Variants in SETDB2 observed in about 807,000 individuals in gnomAD.
SETDB2 encodes the protein SET domain bifurcated histone lysine methyltransferase 2.
In SETDB2, 56 loss-of-function variants were observed where a neutral mutation model predicts 82.5. That is an observed-to-expected ratio of 0.68 (90% confidence interval 0.55 to 0.85). The LOEUF is 0.85. Among genes scored for constraint, SETDB2 ranks in the 40% least tolerant of loss-of-function variants. The pLI is 0.00. For synonymous variants in SETDB2, 272 were observed against 284.9 expected (o/e 0.95, Z 0.46); for missense variants, 677 against 816.4 (o/e 0.83, Z 2.08).
intron 8 of SETDB2, chr13:49,481,960 G>A: frequency 1.6e-6 from 1 of 618,524 alleles, no homozygotes; most frequent in Non-Finnish European, 2.0e-6. Context: ...TTCACATCAG[G>A]GAGGGCAAGA....
chr13:49,486,333 G>A (rs1555530), intron 11 of SETDB2, among the ~76,000 whole-genome samples: 108,356 of 151,804 alleles, frequency 0.71, 38,921 homozygotes, highest in East Asian at 0.82. Flanking sequence ...AAGTTTTATT[G>A]GAATACAGCC....
intron 3 of SETDB2, 141 bp downstream of exon 3, chr13:49,460,373 T>C: frequency 1.1e-6 from 1 of 907,770 alleles, no homozygotes; most frequent in Non-Finnish European, 1.5e-6. Context: ...TGAATTTCTT[T>C]TTATCTCAAG....
intron 6 of SETDB2, among the ~76,000 whole-genome samples, chr13:49,478,679 C>T (rs1391388574): frequency 1.3e-5 from 2 of 152,294 alleles, no homozygotes; most frequent in East Asian, 3.9e-4. Flanking sequence ...GTAATCCTAG[C>T]ACTTTGGGAA....
intron 1 of SETDB2, among the ~76,000 whole-genome samples, chr13:49,448,771 A>C (rs1007309465): frequency 6.6e-6 from 1 of 152,128 alleles, no homozygotes; most frequent in African/African-American, 2.4e-5. Context: ...TAAGCTTGTT[A>C]ATTTGTCATT....
At chr13:49,471,454 T>C (rs1958240400) in intron 5 of SETDB2, among the ~76,000 whole-genome samples, 1 of 151,546 alleles carries the variant, frequency 6.6e-6, no homozygotes. Flanking sequence ...GTATAAACTT[T>C]GGTTTGTCAG....
intron 5 of SETDB2, among the ~76,000 whole-genome samples, chr13:49,475,230 G>A (rs969357095): frequency 4.6e-5 from 7 of 151,950 alleles, no homozygotes; most frequent in Admixed American, 1.3e-4. Flanking sequence ...TCACTATCAC[G>A]AGAACAGCAC....
In SETDB2 at chr13:49,476,905, C is replaced by T. The variant is rs771782255; in HGVS notation, c.735C>T (p.Phe245=). 3.7e-6 allele frequency: 6 copies of T among 1,614,034 alleles called. No homozygotes were observed. In the African/African-American group the frequency reaches 8.0e-5, roughly 22 times the overall value. The change falls in exon 6 of 14, where the codon TTC becomes TTT. Residue 245 remains phenylalanine, a synonymous_variant. Coordinates refer to ENST00000611815, the MANE Select transcript of SETDB2 (RefSeq NM_001160308.3). ...GAGTGGAATCAGTGCCCATTTCTTT[C>T]TGTAATGAAATTGACAGTAGAAAGC... The part of the protein sequence containing the change: ...SNGVESVPIS[F]CNEIDSRKLP...
chr13:49,483,609 ATTTTTTTTTTTTTTTTTTTTTTT>A (rs745508872), intron 10 of SETDB2, 46 bp downstream of exon 10: 2 of 218,436 alleles, frequency 9.2e-6, no homozygotes, highest in South Asian at 4.2e-5. Flanking sequence ...TCTTTTTTAA[ATTTTTTTTTTTTTTTTTTTTTTT>A]TTTTTTTTTT....
chr13:49,483,090 T>G (rs1442002886), intron 9 of SETDB2, 128 bp downstream of exon 9: 1 of 645,398 alleles, frequency 1.5e-6, no homozygotes, highest in East Asian at 2.8e-5. Flanking sequence ...TTGTTAAGTC[T>G]AACACTTTGA....
intron 11 of SETDB2, among the ~76,000 whole-genome samples, chr13:49,486,559 T>C (rs1327615271): frequency 6.6e-6 from 1 of 152,204 alleles, no homozygotes; most frequent in South Asian, 2.1e-4. Flanking sequence ...ACAGGTGTTG[T>C]CCGTGGCTTT....
At chr13:49,448,657 T>A (rs1020795865) in intron 1 of SETDB2, among the ~76,000 whole-genome samples, 1 of 152,210 alleles carries the variant, frequency 6.6e-6, no homozygotes, top group African/African-American at 2.4e-5. Flanking sequence ...TTGGAATTTG[T>A]TGATAATTCC....
At chr13:49,480,417 A>T in intron 7 of SETDB2, 82 bp downstream of exon 7, 1 of 793,384 alleles carries the variant, frequency 1.3e-6, no homozygotes, top group Non-Finnish European at 2.0e-6. Context: ...AATCTTATAG[A>T]TGTTAAATCT....
intron 5 of SETDB2, among the ~76,000 whole-genome samples, chr13:49,472,730 C>A (rs1180934742): frequency 6.6e-6 from 1 of 152,082 alleles, no homozygotes; most frequent in Non-Finnish European, 1.5e-5. Context: ...AGAAATTAAT[C>A]TTTTCTAAGG....
chr13:49,464,918 T>A (rs939170572), intron 4 of SETDB2, among the ~76,000 whole-genome samples: 1 of 151,046 alleles, frequency 6.6e-6, no homozygotes, highest in African/African-American at 2.4e-5. Context: ...AAAAAAAAAT[T>A]AGTTGGCTGT....
At chr13:49,470,962 C>CTT (rs1480747168) in intron 5 of SETDB2, among the ~76,000 whole-genome samples, 2 of 13,982 alleles carry the variant, frequency 1.4e-4, no homozygotes, top group South Asian at 5.3e-3. Flanking sequence ...TTCTTTCTTT[C>CTT]TTTCTTTTTT....
intron 4 of SETDB2, chr13:49,463,900 C>A: frequency 1.5e-6 from 1 of 664,464 alleles, no homozygotes; most frequent in African/African-American, 1.8e-5. Flanking sequence ...ATAGTATTAA[C>A]AAGACTTTTT....
rs1289859372 is a variant in SETDB2, at chr13:49,451,902, A to G, written c.9A>G (p.Glu3=). 5 of 1,596,248 alleles carry G rather than the reference A, an allele frequency of 3.1e-6. No homozygotes were observed. Among genetic ancestry groups the G allele is most frequent in the Non-Finnish European group, 4.3e-6 (5 of 1,168,614 alleles). Residue 3 remains glutamate, a synonymous_variant, in exon 2 of 14, where the codon GAA becomes GAG. Transcript: ENST00000611815. MG[E]KNGDAKTFWM... ...ATAAGCGACATCAAAAGATGGGAGA[A>G]AAAAATGGTAGGTTGAAGAACACAC...
rs755877327 is a variant in SETDB2, at chr13:49,481,094, G to T, written c.1134G>T (p.Gly378=). 4 of 1,612,138 alleles carry T rather than the reference G, an allele frequency of 2.5e-6. No homozygotes were observed. The East Asian group carries it at 8.9e-5, about 36-fold the overall frequency. ...GCTGTCTAGATGACATTGACAGAGG[G>T]ACATTTGTTTGCATTTATTCAGGTA... The part of the protein sequence containing the change: ...GVRCLDDIDR[G]TFVCIYSGRL... Residue 378 remains glycine, a synonymous_variant, in exon 8 of 14, where the codon GGG becomes GGT. Transcript: ENST00000611815.
At chr13:49,459,949 A>G (rs1383904660) in intron 2 of SETDB2, 158 bp from the exon 3 acceptor site, 16 of 618,816 alleles carry the variant, frequency 2.6e-5, no homozygotes, top group South Asian at 5.3e-5. Context: ...AGCTCTTTGT[A>G]AGGAAACATT....
Sources: allele counts gnomAD v4.1 joint callset (sites outside exome capture counted in the v4.1 genomes callset), GRCh38; gene constraint gnomAD v4.1.1; transcripts MANE v1.5; gene names NCBI Gene and HGNC (gene_info 2026-07-23, HGNC 2026-07-21).